The following CALN1 variants were observed in gnomAD, a reference collection of about 807,000 sequenced individuals.
The protein encoded by CALN1 is calcium-binding protein 8.
CALN1 carries 17 observed loss-of-function variants against 30.6 expected under a neutral mutation model. The ratio of observed to expected loss-of-function variants is 0.56; its 90% CI spans 0.38 to 0.83. The LOEUF (loss-of-function observed/expected upper bound fraction) is 0.83, where lower values mean the gene tolerates loss of function less well. Among genes scored for constraint, CALN1 ranks in the 40% least tolerant of loss-of-function variants. The pLI is 0.00. For synonymous variants in CALN1, 156 were observed against 131.4 expected (o/e 1.19, Z -1.28); for missense variants, 291 against 354.9 (o/e 0.82, Z 1.45).
chr7:72,379,028 T>C (rs1585617567), intron 2 of CALN1, among the ~76,000 whole-genome samples: 1 of 152,222 alleles, frequency 6.6e-6, no homozygotes, highest in East Asian at 1.9e-4. Context: ...CAACTTTCCA[T>C]TTCTGAGATA....
chr7:72,381,495 C>A (rs1193081166), intron 2 of CALN1, among the ~76,000 whole-genome samples: 1 of 152,162 alleles, frequency 6.6e-6, no homozygotes, highest in Non-Finnish European at 1.5e-5. Context: ...ACCACGAATA[C>A]TATGCAGCCA....
intron 1 of CALN1, among the ~76,000 whole-genome samples, chr7:72,409,688 G>A (rs1182142581): frequency 2.0e-5 from 3 of 152,040 alleles, no homozygotes; most frequent in South Asian, 4.2e-4. Flanking sequence ...GGATGAACCT[G>A]CATTGTTTAT....
At chr7:72,186,449 G>T (rs1051328457) in intron 3 of CALN1, among the ~76,000 whole-genome samples, 1 of 151,948 alleles carries the variant, frequency 6.6e-6, no homozygotes, top group Non-Finnish European at 1.5e-5. Flanking sequence ...CTGTACATTC[G>T]GGGGTACATG....
At chr7:72,433,449 G>T (rs756869258) in intron 1 of CALN1, among the ~76,000 whole-genome samples, 9 of 152,096 alleles carry the variant, frequency 5.9e-5, no homozygotes, top group Non-Finnish European at 1.2e-4. Context: ...GTTCGCCATG[G>T]ATCCCACAGA....
At chr7:72,106,988 A>T (rs1019209446) in intron 3 of CALN1, among the ~76,000 whole-genome samples, 15 of 149,542 alleles carry the variant, frequency 1.0e-4, no homozygotes, top group Non-Finnish European at 4.4e-5. Flanking sequence ...AAAGAAAGAA[A>T]GGAAAGAAAG....
chr7:71,826,926 G>A (rs1163963491), intron 5 of CALN1, among the ~76,000 whole-genome samples: 1 of 152,180 alleles, frequency 6.6e-6, no homozygotes, highest in Non-Finnish European at 1.5e-5. Flanking sequence ...GCCTGGAGAT[G>A]TCTATTTCTT....
chr7:72,408,628 G>GTCT (rs1806872475), intron 1 of CALN1, among the ~76,000 whole-genome samples: 1 of 149,200 alleles, frequency 6.7e-6, no homozygotes, highest in Non-Finnish European at 1.5e-5. Flanking sequence ...AGGATTGCAT[G>GTCT]GTGGTCATGA....
intron 2 of CALN1, among the ~76,000 whole-genome samples, chr7:72,284,574 A>G (rs1034195176): frequency 1.9e-4 from 29 of 152,338 alleles, no homozygotes; most frequent in Admixed American, 1.6e-3. Context: ...TGAACACACT[A>G]AGAAAGAATT....
intron 5 of CALN1, among the ~76,000 whole-genome samples, chr7:71,971,814 C>G (rs1188743438): frequency 6.6e-6 from 1 of 150,686 alleles, no homozygotes; most frequent in Non-Finnish European, 1.5e-5. Flanking sequence ...GGGAGGATCA[C>G]CAGAGCCTGG....
chr7:72,106,226 TGCCCA>T lies in CALN1; in HGVS notation c.308_312del (p.Leu103HisfsTer33), dbSNP rs752768936. On this transcript the variant is annotated frameshift_variant, in exon 4 of 7. Transcript: ENST00000395275. LOFTEE classifies it high-confidence loss of function. ...ATGTACCCCAAAGAGCGCATGGCCA[TGCCCA>T]GCTCCTGCTTGGAGATGAAGCCGTT... 6.2e-7 allele frequency: 1 copy of T among 1,614,062 alleles called. No homozygotes were observed. The highest frequency in any genetic ancestry group is 2.2e-5 in the East Asian group (1 of 44,820).
chr7:71,831,060 G>T (rs1373887666), intron 5 of CALN1, among the ~76,000 whole-genome samples: 1 of 152,058 alleles, frequency 6.6e-6, no homozygotes, highest in East Asian at 1.9e-4. Context: ...TGCAGACCCC[G>T]AGTTCAGGAG....
chr7:71,802,552 C>T (rs1194148813), intron 6 of CALN1, among the ~76,000 whole-genome samples: 3 of 152,114 alleles, frequency 2.0e-5, no homozygotes, highest in African/African-American at 4.8e-5. Flanking sequence ...AGCCTCGAAC[C>T]CCTGGGCTCA....
the CALN1 span, among the ~76,000 whole-genome samples, chr7:72,487,512 C>T: frequency 2.6e-5 from 4 of 151,128 alleles, no homozygotes; most frequent in Non-Finnish European, 4.4e-5. Context: ...ATGGTGACAC[C>T]CCGTCTCTAC....
intron 2 of CALN1, among the ~76,000 whole-genome samples, chr7:72,334,163 G>A (rs1801850035): frequency 2.0e-5 from 3 of 152,156 alleles, no homozygotes; most frequent in Admixed American, 2.0e-4. Context: ...CACAAGTAGG[G>A]TCTCAGAAAT....
intron 3 of CALN1, among the ~76,000 whole-genome samples, chr7:72,174,025 C>T (rs1789162390): frequency 6.6e-6 from 1 of 150,514 alleles, no homozygotes; most frequent in Non-Finnish European, 1.5e-5. Context: ...AATATATTTG[C>T]AACATGCATG....
rs543677751 is a variant in CALN1 at position 71,938,905 on chromosome 7, C to T, written c.501+84752G>A. ...CCATGAGGCTTGAAAGAGCAGGAGA[C>T]GGACAAACATCTGCACTAAATCAAT... On this transcript the variant is annotated intron_variant, in intron 5 of 6. Coordinates refer to ENST00000395275, the MANE Select transcript of CALN1 (RefSeq NM_031468.4). Among the ~76,000 whole-genome samples the T allele has an allele frequency of 3.4e-4, 51 of 152,166 alleles. 1 individual carries two copies. Among genetic ancestry groups the T allele is most frequent in the Admixed American group, 2.8e-3 (43 of 15,284 alleles).
intron 2 of CALN1, among the ~76,000 whole-genome samples, chr7:72,387,280 G>GGGAA (rs1805279867): frequency 1.6e-5 from 1 of 62,630 alleles, no homozygotes; most frequent in Non-Finnish European, 3.6e-5. Context: ...GAGGAAGGGA[G>GGGAA]GGAGGGAGGG....
chr7:72,092,155 T>C (rs1805906170), intron 4 of CALN1, among the ~76,000 whole-genome samples: 1 of 152,348 alleles, frequency 6.6e-6, no homozygotes, highest in South Asian at 2.1e-4. Flanking sequence ...TTTGTTGCTT[T>C]TCTTTTCCAC....
At chr7:71,988,815 G>C (rs1339702372) in intron 5 of CALN1, among the ~76,000 whole-genome samples, 1 of 152,078 alleles carries the variant, frequency 6.6e-6, no homozygotes, top group African/African-American at 2.4e-5. Context: ...TGGACACACA[G>C]TGAGTGACAG....
Sources: allele counts gnomAD v4.1 joint callset (sites outside exome capture counted in the v4.1 genomes callset), GRCh38; gene constraint gnomAD v4.1.1; transcripts MANE v1.5; gene names NCBI Gene and HGNC (gene_info 2026-07-23, HGNC 2026-07-21).